Variants in PHLPP1 observed in about 807,000 individuals in gnomAD.
PHLPP1 encodes PH domain and leucine rich repeat protein phosphatase 1, also known as PH domain leucine-rich repeat-containing protein phosphatase 1.
A neutral mutation model predicts 117.2 loss-of-function variants in PHLPP1; 42 were observed. The observed-to-expected ratio is 0.36, with a 90% CI of 0.28 to 0.46. PHLPP1 has a LOEUF of 0.46. PHLPP1 is among the 20% of genes least tolerant of loss of function. The pLI, the probability that PHLPP1 is intolerant of heterozygous loss-of-function variation, is 1.00. For missense variants in PHLPP1, 2,084 were observed against 2,241.9 expected (o/e 0.93, Z 1.42); for synonymous variants, 1,042 against 970.7 (o/e 1.07, Z -1.37).
chr18:62,758,060 G>A (rs1912085756), intron 1 of PHLPP1, among the ~76,000 whole-genome samples: 1 of 152,200 alleles, frequency 6.6e-6, no homozygotes, highest in Non-Finnish European at 1.5e-5. Context: ...GACCCCATGA[G>A]CGGAGCTTCT....
intron 9 of PHLPP1, 45 bp downstream of exon 9, chr18:62,915,053 A>G: frequency 7.3e-7 from 1 of 1,372,106 alleles, no homozygotes; most frequent in Non-Finnish European, 1.0e-6. Context: ...ATAAATGAGC[A>G]ATTTTAAAAA....
rs1312489535 is a variant in PHLPP1, at chr18:62,979,454, TAAAC to T, written c.*24_*27del. 1.3e-6 allele frequency: 2 copies of T among 1,545,058 alleles called. No individual in the cohort carries two copies. The highest frequency in any genetic ancestry group is 1.7e-6 in the Non-Finnish European group (2 of 1,143,078). ...TGACCCAGCCGAGCTGTTTAACAAA[TAAAC>T]TAACCACAAAAGACTGAGTTGCAAG... On this transcript the variant is annotated 3_prime_UTR_variant, in exon 17 of 17. Coordinates refer to ENST00000262719, the MANE Select transcript of PHLPP1 (RefSeq NM_194449.4).
intron 1 of PHLPP1, among the ~76,000 whole-genome samples, chr18:62,793,454 T>C (rs1913523301): frequency 6.6e-6 from 1 of 152,218 alleles, no homozygotes; most frequent in Non-Finnish European, 1.5e-5. Flanking sequence ...CTTGATCTAC[T>C]TATAGTTTAG....
At chr18:62,945,332 AC>A in intron 12 of PHLPP1, 61 bp downstream of exon 12, 2 of 1,346,420 alleles carry the variant, frequency 1.5e-6, no homozygotes, top group Non-Finnish European at 2.0e-6. Context: ...TGACTTCCTA[AC>A]TCATCAACTC....
intron 1 of PHLPP1, among the ~76,000 whole-genome samples, chr18:62,736,028 C>T (rs552787986): frequency 1.3e-5 from 2 of 152,054 alleles, no homozygotes; most frequent in Admixed American, 6.5e-5. Flanking sequence ...GTGAGAACCT[C>T]ATGGATAGCC....
chr18:62,805,377 A>G (rs1568122882), intron 1 of PHLPP1, among the ~76,000 whole-genome samples: 1 of 152,016 alleles, frequency 6.6e-6, no homozygotes, highest in East Asian at 1.9e-4. Flanking sequence ...TAGGTTATAC[A>G]TATACAGTAT....
In PHLPP1 at chr18:62,979,160, C is replaced by T. The variant is rs746692319; in HGVS notation, c.4883C>T (p.Ala1628Val). The T allele has an allele frequency of 3.7e-6, 6 of 1,613,810 alleles. No individual in the cohort carries two copies. Among genetic ancestry groups the T allele is most frequent in the Middle Eastern group, 1.6e-4 (1 of 6,062 alleles). The change falls in exon 17 of 17, where the codon GCG becomes GTG. Residue 1628 changes from alanine (A) to valine (V), a missense_variant. Physicochemically the swap from Ala to Val is moderately conservative, Grantham distance 64. Coordinates refer to ENST00000262719, the MANE Select transcript of PHLPP1 (RefSeq NM_194449.4). Reference sequence around the variant, plus strand: ...CGCCGGAGGGCCAATGGCTCTGTTGCGCCCCAGGAAAGGAGCCACAATGTG... The same window carrying T: ...CGCCGGAGGGCCAATGGCTCTGTTGTGCCCCAGGAAAGGAGCCACAATGTG... ...IGRRRANGSV[A>V]PQERSHNVIE...
chr18:62,864,258 G>A (rs187575180), intron 4 of PHLPP1, among the ~76,000 whole-genome samples: 96 of 152,264 alleles, frequency 6.3e-4, no homozygotes, highest in Non-Finnish European at 1.2e-3. Context: ...CTGACCTCAG[G>A]TAATCCACCC....
intron 1 of PHLPP1, among the ~76,000 whole-genome samples, chr18:62,782,968 T>C (rs1913160452): frequency 6.6e-6 from 1 of 150,898 alleles, no homozygotes; most frequent in Non-Finnish European, 1.5e-5. Context: ...TTTTAAACAC[T>C]TAGCCATAGT....
At chr18:62,921,203 T>C (rs1317947658) in intron 10 of PHLPP1, among the ~76,000 whole-genome samples, 1 of 152,236 alleles carries the variant, frequency 6.6e-6, no homozygotes, top group Non-Finnish European at 1.5e-5. Flanking sequence ...CCCATGTTTA[T>C]TTTTAGGGAG....
intron 3 of PHLPP1, 99 bp downstream of exon 3, chr18:62,839,008 C>CT (rs139937171): frequency 5.2e-4 from 658 of 1,255,366 alleles, no homozygotes; most frequent in South Asian, 7.4e-4. Context: ...GTTACACACA[C>CT]TTTTTTTTTC....
rs556166231 is a variant in PHLPP1, at chr18:62,870,084, A to AG, written c.2066+9489dup. Among the ~76,000 whole-genome samples, 236 of 151,982 alleles carry AG rather than the reference A, an allele frequency of 1.6e-3. 1 individual carries two copies. The highest frequency in any genetic ancestry group is 3.3e-3 in the East Asian group (17 of 5,162). ...ATTTTTGTATTTTTAGTAGAGACGG[A>AG]GGGGGGTCTCACCATATTGGCCAGG... is the stretch of plus-strand genomic sequence containing the variant. On this transcript the variant is annotated intron_variant, in intron 4 of 16. Transcript: ENST00000262719.
chr18:62,825,785 A>G (rs907746497), intron 1 of PHLPP1, among the ~76,000 whole-genome samples: 47 of 152,152 alleles, frequency 3.1e-4, no homozygotes, highest in African/African-American at 1.1e-3. Flanking sequence ...CAATTACAGT[A>G]GACCTATCAC....
chr18:62,913,628 G>A lies in PHLPP1; in HGVS notation c.2709-1285G>A, dbSNP rs117813422. Reference sequence around the variant, plus strand: ...TCATTTTATGTATTTTAAAAAGAAAGTAAAAAGCTAACCAGTGTGACTAGG... The same window carrying A: ...TCATTTTATGTATTTTAAAAAGAAAATAAAAAGCTAACCAGTGTGACTAGG... On this transcript the variant is annotated intron_variant, in intron 8 of 16. Transcript: ENST00000262719. 5.4e-4 allele frequency among the ~76,000 whole-genome samples: 82 copies of A among 151,708 alleles called. 1 individual carries two copies. The East Asian group carries it at 0.014, about 27-fold the overall frequency.
chr18:62,898,611 T>G (rs1916634524), intron 6 of PHLPP1, among the ~76,000 whole-genome samples: 1 of 152,206 alleles, frequency 6.6e-6, no homozygotes, highest in Admixed American at 6.5e-5. Context: ...GCTGCTCATG[T>G]GTGGGCCTCC....
Position 62,882,147 on chromosome 18 carries a change from A to G in PHLPP1, c.2067-12864A>G, listed in dbSNP as rs377286245. 1.2e-3 allele frequency among the ~76,000 whole-genome samples: 176 copies of G among 152,282 alleles called. 7 individuals are homozygous for G. The South Asian group carries it at 0.035, about 30-fold the overall frequency. ...TGGATTGGGACAAGAATATTAACAC[A>G]TGACTGTAGGACAAACTTACCAAGC... On this transcript the variant is annotated intron_variant, in intron 4 of 16. Coordinates refer to ENST00000262719, the MANE Select transcript of PHLPP1 (RefSeq NM_194449.4).
chr18:62,864,254 T>G (rs1281974199), intron 4 of PHLPP1, among the ~76,000 whole-genome samples: 1 of 152,176 alleles, frequency 6.6e-6, no homozygotes, highest in Non-Finnish European at 1.5e-5. Flanking sequence ...ACTCCTGACC[T>G]CAGGTAATCC....
intron 1 of PHLPP1, among the ~76,000 whole-genome samples, chr18:62,789,538 C>A (rs776022621): frequency 6.6e-5 from 10 of 151,942 alleles, no homozygotes; most frequent in Non-Finnish European, 1.3e-4. Context: ...TTGTTCTCTG[C>A]CTCAATGGTG....
intron 1 of PHLPP1, among the ~76,000 whole-genome samples, chr18:62,772,830 C>CAAAAAAAAAA (rs59776161): frequency 8.2e-5 from 5 of 61,050 alleles, no homozygotes; most frequent in Non-Finnish European, 9.3e-5. Context: ...GACTCTTTCT[C>CAAAAAAAAAA]AAAAAAAAAA....
Sources: allele counts gnomAD v4.1 joint callset (sites outside exome capture counted in the v4.1 genomes callset), GRCh38; gene constraint gnomAD v4.1.1; transcripts MANE v1.5; gene names NCBI Gene and HGNC (gene_info 2026-07-23, HGNC 2026-07-21).